Variants in L3MBTL3 observed in about 807,000 individuals in gnomAD.
The protein encoded by L3MBTL3 is L3MBTL histone methyl-lysine binding protein 3, also known as lethal(3)malignant brain tumor-like protein 3.
Under a neutral mutation model 102.3 loss-of-function variants are expected in L3MBTL3, and 27 were observed. That is an observed-to-expected ratio of 0.26 (90% CI 0.19 to 0.36). L3MBTL3 has a LOEUF of 0.36. Ranked by LOEUF, L3MBTL3 falls within the 10% of genes least tolerant of loss-of-function variation. The probability of loss-of-function intolerance (pLI) is 1.00; values close to 1 mark genes in which losing one functional copy is unlikely to be tolerated. For synonymous variants in L3MBTL3, 340 were observed against 320.9 expected (o/e 1.06, Z -0.64); for missense variants, 798 against 955.3 (o/e 0.84, Z 2.17).
At chr6:130,051,987 A>G (rs946144237) in intron 6 of L3MBTL3, among the ~76,000 whole-genome samples, 1 of 152,258 alleles carries the variant, frequency 6.6e-6, no homozygotes, top group Non-Finnish European at 1.5e-5. Context: ...AGTTCAGCTT[A>G]TCACCAAGAA....
intron 19 of L3MBTL3, among the ~76,000 whole-genome samples, chr6:130,107,750 A>C (rs1292301317): frequency 1.3e-5 from 2 of 152,238 alleles, no homozygotes; most frequent in Non-Finnish European, 2.9e-5. Flanking sequence ...TTTAAGGTAC[A>C]TAAACCAGTG....
intron 6 of L3MBTL3, among the ~76,000 whole-genome samples, chr6:130,051,839 A>G (rs6914670): frequency 0.57 from 86,233 of 152,068 alleles, 27,355 homozygotes; most frequent in East Asian, 0.76. Flanking sequence ...AATCAGCTGA[A>G]TGGAAATGGC....
At chr6:130,105,335 A>G (rs1321324904) in intron 19 of L3MBTL3, among the ~76,000 whole-genome samples, 1 of 152,174 alleles carries the variant, frequency 6.6e-6, no homozygotes, top group Non-Finnish European at 1.5e-5. Flanking sequence ...CATAGGAGTA[A>G]TGGCATTTAA....
At chr6:130,047,829 A>G (rs939061176) in intron 3 of L3MBTL3, among the ~76,000 whole-genome samples, 1 of 152,100 alleles carries the variant, frequency 6.6e-6, no homozygotes, top group African/African-American at 2.4e-5. Context: ...CATTTTTTTA[A>G]AGATTTCTTT....
At chr6:130,118,445 A>G (rs930223194) in intron 19 of L3MBTL3, among the ~76,000 whole-genome samples, 4 of 152,210 alleles carry the variant, frequency 2.6e-5, no homozygotes, top group African/African-American at 7.2e-5. Context: ...TGCTCGCTCC[A>G]GTGGTTCTAT....
intron 17 of L3MBTL3, 98 bp downstream of exon 17, chr6:130,092,957 A>G (rs1252941168): frequency 1.7e-5 from 12 of 700,358 alleles, no homozygotes; most frequent in Middle Eastern, 4.9e-4. Context: ...TCCTCTCTCT[A>G]CTGATGTTTC....
intron 3 of L3MBTL3, among the ~76,000 whole-genome samples, chr6:130,046,010 C>T (rs776389873): frequency 8.5e-5 from 13 of 152,196 alleles, no homozygotes; most frequent in African/African-American, 4.8e-5. Flanking sequence ...AATGTCTCAG[C>T]GCCAGCTGTA....
rs1401532153 is a variant in L3MBTL3 at position 130,068,438 on chromosome 6, C to G, written c.1092+17C>G. Reference sequence around the variant, plus strand: ...CAGAATATAGTAAGTACATACGAAACACGTTTTCTTTCAAAGGAAGAAGTT... The same window carrying G: ...CAGAATATAGTAAGTACATACGAAAGACGTTTTCTTTCAAAGGAAGAAGTT... On this transcript the variant is annotated intron_variant, in intron 12 of 22. Coordinates refer to ENST00000361794, the MANE Select transcript of L3MBTL3 (RefSeq NM_032438.4). 3.6e-6 allele frequency: 5 copies of G among 1,406,898 alleles called. No individual in the cohort carries two copies. Among genetic ancestry groups the G allele is most frequent in the Non-Finnish European group, 5.0e-6 (5 of 993,282 alleles). The allele number at this position is 1,406,898 out of a possible 1,614,324, so 87.2% of individuals were successfully genotyped here. A position where few individuals can be genotyped will look rare whatever the true frequency, so the allele number is the denominator to read the frequency against.
At chr6:130,117,670 T>G (rs961505670) in intron 19 of L3MBTL3, among the ~76,000 whole-genome samples, 2 of 152,062 alleles carry the variant, frequency 1.3e-5, no homozygotes, top group African/African-American at 4.8e-5. Flanking sequence ...TAGAGAGAAA[T>G]AATGGTTGTC....
chr6:130,098,524 C>CT (rs944627003), intron 18 of L3MBTL3, among the ~76,000 whole-genome samples: 2 of 152,084 alleles, frequency 1.3e-5, no homozygotes, highest in Non-Finnish European at 2.9e-5. Context: ...TGCTGATGTT[C>CT]TTTTTACACA....
intron 22 of L3MBTL3, among the ~76,000 whole-genome samples, chr6:130,135,070 C>CTTTTT (rs5880000): frequency 7.8e-6 from 1 of 127,414 alleles, no homozygotes; most frequent in African/African-American, 3.0e-5. Context: ...CTGTTTTTTC[C>CTTTTT]TTTTTTTTTT....
chr6:130,094,549 G>A (rs1044991612), intron 18 of L3MBTL3, among the ~76,000 whole-genome samples, 182 bp downstream of exon 18: 49 of 152,188 alleles, frequency 3.2e-4, no homozygotes, highest in African/African-American at 1.1e-3. Flanking sequence ...CTTCCTGGGA[G>A]AAAATGCATT....
intron 22 of L3MBTL3, among the ~76,000 whole-genome samples, chr6:130,134,810 G>T (rs916018683): frequency 1.3e-5 from 2 of 152,200 alleles, no homozygotes; most frequent in Admixed American, 1.3e-4. Context: ...CCATTTCATT[G>T]CAGGAGTATA....
At chr6:130,119,110 T>A (rs908742064) in intron 19 of L3MBTL3, among the ~76,000 whole-genome samples, 1 of 152,132 alleles carries the variant, frequency 6.6e-6, no homozygotes, top group African/African-American at 2.4e-5. Context: ...AACTGAAATA[T>A]ACAGAAAATT....
chr6:130,040,871 A>T (rs1447186875), intron 2 of L3MBTL3, among the ~76,000 whole-genome samples: 2 of 152,202 alleles, frequency 1.3e-5, no homozygotes, highest in Non-Finnish European at 2.9e-5. Flanking sequence ...AACATTTATT[A>T]TTTTTACTTC....
chr6:130,022,397 G>A (rs1435318942), intron 2 of L3MBTL3, 92 bp downstream of exon 2: 2 of 152,200 alleles, frequency 1.3e-5, no homozygotes, highest in South Asian at 4.1e-4. Context: ...ATGAGACTGG[G>A]TTGGCAGAAA....
chr6:130,121,942 A>G (rs1425956141), intron 20 of L3MBTL3, among the ~76,000 whole-genome samples: 1 of 152,184 alleles, frequency 6.6e-6, no homozygotes, highest in Non-Finnish European at 1.5e-5. Flanking sequence ...GCTACTCGGG[A>G]GGCTGAGGCA....
chr6:130,064,155 G>A (rs1400392626), intron 10 of L3MBTL3, among the ~76,000 whole-genome samples: 1 of 152,194 alleles, frequency 6.6e-6, no homozygotes, highest in African/African-American at 2.4e-5. Flanking sequence ...ATGATAGAAT[G>A]TCACCAGGCA....
At chr6:130,074,820 C>A (rs1204430426) in intron 13 of L3MBTL3, among the ~76,000 whole-genome samples, 1 of 152,000 alleles carries the variant, frequency 6.6e-6, no homozygotes, top group East Asian at 1.9e-4. Context: ...GGAGTCAGGG[C>A]AAAAATTCGT....
Sources: gnomAD v4.1 joint callset for allele counts (sites outside exome capture counted in the v4.1 genomes callset) on GRCh38, gnomAD v4.1.1 for gene constraint, MANE v1.5 for transcripts, NCBI Gene and HGNC (gene_info 2026-07-23, HGNC 2026-07-21) for gene names.